The following MARK4 variants were observed in gnomAD, a reference collection of about 807,000 sequenced individuals.
MARK4 encodes the protein MAP/microtubule affinity-regulating kinase 4.
A neutral mutation model predicts 81.5 loss-of-function variants in MARK4; 19 were observed. The observed-to-expected ratio is 0.23, with a 90% CI of 0.16 to 0.34. MARK4 has a LOEUF of 0.34. Among genes scored for constraint, MARK4 ranks in the 10% least tolerant of loss-of-function variants. MARK4 has a pLI of 1.00. For missense variants in MARK4, 772 were observed against 1,058.8 expected, an observed-to-expected ratio of 0.73 and a Z score of 3.76; for synonymous variants, 436 against 439.0, an observed-to-expected ratio of 0.99 and a Z score of 0.08.
In MARK4 at chr19:45,251,474, C is replaced by A. The variant is rs927549474; in HGVS notation, c.-115C>A. On this transcript the variant is annotated 5_prime_UTR_variant, in exon 1 of 17. Coordinates refer to ENST00000262891, the MANE Select transcript of MARK4 (RefSeq NM_001199867.2). ...GCCGCGCGGACCCGGGCGTTCTCGG[C>A]GCCCAGCTTTTGAGCTCGCGTCCCC... 1.2e-4 allele frequency: 74 copies of A among 599,972 alleles called. No homozygotes were observed. The highest frequency in any genetic ancestry group is 2.0e-4 in the Non-Finnish European group (72 of 367,456). 37.2% of individuals were successfully genotyped at this position (599,972 alleles called of 1,614,324 possible).
Position 45,251,511 on chromosome 19 carries a change from G to A in MARK4, c.-78G>A. The A allele has an allele frequency of 2.4e-6, 2 of 825,562 alleles. No individual in the cohort carries two copies. The highest frequency in any genetic ancestry group is 3.5e-6 in the Non-Finnish European group (2 of 570,266). The allele number at this position is 825,562 out of a possible 1,614,324, so 51.1% of individuals were successfully genotyped here. On this transcript the variant is annotated 5_prime_UTR_variant, in exon 1 of 17. Transcript: ENST00000262891. Reference sequence around the variant, plus strand: ...GAGCTCGCGTCCCCAGGCCGGCGGGGGGGGAGGGGAAGAGAGGGGACCCTG... The same window carrying A: ...GAGCTCGCGTCCCCAGGCCGGCGGGAGGGGAGGGGAAGAGAGGGGACCCTG...
chr19:45,253,856 G>C (rs75996535), intron 1 of MARK4, among the ~76,000 whole-genome samples: 1 of 152,072 alleles, frequency 6.6e-6, no homozygotes, highest in Admixed American at 6.6e-5. Context: ...GTGTGACCTC[G>C]GGCAAGTAAC....
intron 1 of MARK4, chr19:45,258,785 T>A (rs1409015718): frequency 1.7e-5 from 10 of 580,698 alleles, no homozygotes; most frequent in Non-Finnish European, 3.0e-5. Flanking sequence ...GGGCCCTGAA[T>A]GTTGCAGATT....
intron 1 of MARK4, 52 bp from the exon 2 acceptor site, chr19:45,258,937 G>T (rs1599778096): frequency 6.3e-7 from 1 of 1,582,310 alleles, no homozygotes; most frequent in African/African-American, 1.3e-5. Flanking sequence ...CTAGCCCACG[G>T]GTTCCACGGA....
intron 4 of MARK4, 87 bp downstream of exon 4, chr19:45,263,454 G>T: frequency 6.4e-7 from 1 of 1,562,804 alleles, no homozygotes; most frequent in South Asian, 1.1e-5. Flanking sequence ...AGAATAGTTG[G>T]AGACCCACCA....
At chr19:45,277,512 C>T (rs1460709074) in intron 8 of MARK4, among the ~76,000 whole-genome samples, 1 of 148,400 alleles carries the variant, frequency 6.7e-6, no homozygotes, top group East Asian at 2.0e-4. Context: ...CTATCCTCCT[C>T]CCTCGGCCTC....
intron 9 of MARK4, 21 bp downstream of exon 9, chr19:45,278,063 A>T: frequency 1.2e-6 from 2 of 1,612,102 alleles, no homozygotes; most frequent in Non-Finnish European, 1.7e-6. Flanking sequence ...CCTCACAGCC[A>T]GCGGGAGCCC....
At chr19:45,266,364 G>A (rs917027512) in intron 7 of MARK4, 83 bp downstream of exon 7, 79 of 1,329,376 alleles carry the variant, frequency 5.9e-5, no homozygotes, top group Non-Finnish European at 7.7e-5. Context: ...CATGGTTTCC[G>A]TGGCCTCCAG....
intron 7 of MARK4, among the ~76,000 whole-genome samples, chr19:45,268,042 C>T (rs533345012): frequency 3.9e-5 from 6 of 152,108 alleles, no homozygotes; most frequent in East Asian, 1.9e-4. Flanking sequence ...GTGATCTGCC[C>T]GCCTTGGCCT....
At chr19:45,258,860 GCTCT>G in intron 1 of MARK4, 125 bp from the exon 2 acceptor site, 1 of 934,458 alleles carries the variant, frequency 1.1e-6, no homozygotes, top group South Asian at 1.8e-5. Context: ...AGGATGCTTG[GCTCT>G]CTGGGGCCTG....
intron 12 of MARK4, among the ~76,000 whole-genome samples, chr19:45,281,566 G>A (rs1196870903): frequency 6.6e-6 from 1 of 151,700 alleles, no homozygotes; most frequent in Admixed American, 6.6e-5. Flanking sequence ...TCACCATGTT[G>A]GCCAGGCTGC....
intron 7 of MARK4, among the ~76,000 whole-genome samples, chr19:45,267,610 C>T (rs570830186): frequency 4.6e-5 from 7 of 152,302 alleles, no homozygotes; most frequent in African/African-American, 1.2e-4. Flanking sequence ...GTGTGCTAGG[C>T]GGCATCCTAA....
chr19:45,265,559 TAAG>T (rs1374798189), intron 6 of MARK4, among the ~76,000 whole-genome samples: 3 of 149,028 alleles, frequency 2.0e-5, no homozygotes, highest in Admixed American at 6.7e-5. Flanking sequence ...GTATGTGGGA[TAAG>T]AAGAAGTGCA....
chr19:45,264,681 T>C lies in MARK4; in HGVS notation c.356-3T>C, dbSNP rs766764569. On this transcript the variant is annotated splice_region_variant and splice_polypyrimidine_tract_variant and intron_variant, in intron 4 of 16. Coordinates refer to ENST00000262891, the MANE Select transcript of MARK4 (RefSeq NM_001199867.2). ...TGCCCTACACTGTTCCCAACCATTA[T>C]AGTGAAGCTCTTTGAGGTGATTGAG... The C allele has an allele frequency of 5.6e-6, 9 of 1,613,950 alleles. No homozygotes were observed. The highest frequency in any genetic ancestry group is 1.1e-5 in the South Asian group (1 of 91,080).
At chr19:45,299,780 T>A in intron 15 of MARK4, 31 bp from the exon 16 acceptor site, 1 of 1,577,092 alleles carries the variant, frequency 6.3e-7, no homozygotes, top group Non-Finnish European at 8.7e-7. Flanking sequence ...TATGTCCAGA[T>A]TAGACACTCT....
intron 1 of MARK4, among the ~76,000 whole-genome samples, chr19:45,256,321 C>T (rs1242224272): frequency 1.3e-5 from 2 of 152,182 alleles, no homozygotes; most frequent in Non-Finnish European, 2.9e-5. Flanking sequence ...CCTGTAATCC[C>T]AGCTACTCGG....
chr19:45,258,983 G>A lies in MARK4; in HGVS notation c.52-6G>A, dbSNP rs766574275. The A allele has an allele frequency of 2.1e-5, 34 of 1,611,116 alleles. No individual in the cohort carries two copies. The highest frequency in any genetic ancestry group is 2.4e-5 in the Non-Finnish European group (28 of 1,179,386). ...GGATAGCTCATGCTCCATCTCCCCC[G>A]CCCAGCATGGCACCTTGGGCAGTGG... On this transcript the variant is annotated splice_polypyrimidine_tract_variant and splice_region_variant and intron_variant, in intron 1 of 16. Coordinates refer to ENST00000262891, the MANE Select transcript of MARK4 (RefSeq NM_001199867.2).
At chr19:45,278,432 A>G in intron 9 of MARK4, 84 bp from the exon 10 acceptor site, 2 of 1,214,878 alleles carry the variant, frequency 1.6e-6, no homozygotes, top group Admixed American at 1.7e-5. Flanking sequence ...TAGGCCTCGG[A>G]GGTTTGGGGC....
intron 10 of MARK4, among the ~76,000 whole-genome samples, chr19:45,279,917 C>T (rs1270084435): frequency 6.6e-6 from 1 of 152,090 alleles, no homozygotes; most frequent in Non-Finnish European, 1.5e-5. Context: ...ATCCGCCTGC[C>T]TTAGGGTTGG....
Sources: gnomAD v4.1 joint callset for allele counts (sites outside exome capture counted in the v4.1 genomes callset) on GRCh38, gnomAD v4.1.1 for gene constraint, MANE v1.5 for transcripts, NCBI Gene and HGNC (gene_info 2026-07-23, HGNC 2026-07-21) for gene names.